Variants in NUP210L observed in about 807,000 individuals in gnomAD.
NUP210L encodes the protein nucleoporin 210 like.
A neutral mutation model predicts 208.5 loss-of-function variants in NUP210L; 74 were observed. That is an observed-to-expected ratio of 0.35 (90% CI 0.29 to 0.43). NUP210L has a LOEUF of 0.43. NUP210L is among the 20% of genes least tolerant of loss of function. The pLI is 1.00. For synonymous variants in NUP210L, 780 were observed against 816.9 expected, an observed-to-expected ratio of 0.95 and a Z score of 0.77; for missense variants, 1,843 against 2,289.4, an observed-to-expected ratio of 0.81 and a Z score of 3.98.
chr1:154,061,090 A>C (rs1470818219), intron 18 of NUP210L, 44 bp from the exon 19 acceptor site: 2 of 1,413,712 alleles, frequency 1.4e-6, no homozygotes, highest in South Asian at 2.3e-5. Flanking sequence ...TAAACATCTA[A>C]TTCTTGGCCG....
intron 32 of NUP210L, among the ~76,000 whole-genome samples, chr1:154,020,769 C>T (rs1651505448): frequency 6.6e-6 from 1 of 151,360 alleles, no homozygotes; most frequent in Admixed American, 6.6e-5. Context: ...TTGTGATCCG[C>T]CTGCTTCAGC....
At chr1:154,111,531 A>C (rs1657037579) in intron 12 of NUP210L, among the ~76,000 whole-genome samples, 1 of 151,630 alleles carries the variant, frequency 6.6e-6, no homozygotes, top group South Asian at 2.1e-4. Context: ...AAATTGGAAA[A>C]CCTACAAGAA....
In NUP210L at chr1:154,023,298, C is replaced by T. The variant is rs753542786; in HGVS notation, c.4123-1G>A. The T allele has an allele frequency of 6.2e-7, 1 of 1,601,924 alleles. No homozygotes were observed. The highest frequency in any genetic ancestry group is 8.5e-7 in the Non-Finnish European group (1 of 1,173,388). ...CTCGCAGGTATGTCACCGGTGCTAC[C>T]TGTGGGAGACAAAACCTACTGGTAC... On this transcript the variant is annotated splice_acceptor_variant, in intron 30 of 39. Coordinates refer to ENST00000368559, the Ensembl canonical transcript of NUP210L. LOFTEE classifies it high-confidence loss of function.
At chr1:153,992,690 T>C in exon 40 of NUP210L, 1 of 637,108 alleles carries the variant, frequency 1.6e-6, no homozygotes, top group Non-Finnish European at 2.7e-6. Context: ...GACATACCAG[T>C]TTTAAGAAAC....
intron 27 of NUP210L, 108 bp from the exon 28 acceptor site, chr1:154,030,162 A>C: frequency 1.3e-6 from 1 of 744,894 alleles, no homozygotes; most frequent in Non-Finnish European, 1.9e-6. Context: ...AAAAATAAAA[A>C]GTCAGGAAAG....
In NUP210L at chr1:154,054,839, G is replaced by A. The variant is rs572656676; in HGVS notation, c.3241-7C>T. 9.4e-6 allele frequency: 15 copies of A among 1,603,780 alleles called. No homozygotes were observed. The highest frequency in any genetic ancestry group is 1.3e-5 in the African/African-American group (1 of 74,768). ...GTCTGAATGGAGGAAACACCTTGAA[G>A]GAGAAAACCAAAAGGACAACAGTAA... On this transcript the variant is annotated splice_region_variant and splice_polypyrimidine_tract_variant and intron_variant, in intron 23 of 39. Transcript: ENST00000368559.
At chr1:154,154,266 G>A (rs771575016) in intron 1 of NUP210L, among the ~76,000 whole-genome samples, 25 of 152,168 alleles carry the variant, frequency 1.6e-4, no homozygotes, top group Non-Finnish European at 2.9e-4. Context: ...TGTGAAATGG[G>A]AGTAATAGTA....
At chr1:154,120,823 G>A (rs912084480) in intron 10 of NUP210L, among the ~76,000 whole-genome samples, 6 of 146,174 alleles carry the variant, frequency 4.1e-5, no homozygotes, top group Non-Finnish European at 8.9e-5. Context: ...TTGAACCCAT[G>A]AGGCGGAGGT....
chr1:154,058,393 A>G (rs1653981893), intron 21 of NUP210L, among the ~76,000 whole-genome samples, 172 bp downstream of exon 21: 2 of 152,168 alleles, frequency 1.3e-5, no homozygotes, highest in African/African-American at 4.8e-5. Context: ...CAGTCTATTT[A>G]TCTTCATCTG....
chr1:154,002,637 AT>A (rs1650286955), intron 35 of NUP210L, among the ~76,000 whole-genome samples: 1 of 151,844 alleles, frequency 6.6e-6, no homozygotes, highest in South Asian at 2.1e-4. Flanking sequence ...AAAAAAAATT[AT>A]ATTTTTTATA....
At chr1:154,082,856 C>T (rs1655415229) in intron 16 of NUP210L, among the ~76,000 whole-genome samples, 1 of 152,092 alleles carries the variant, frequency 6.6e-6, no homozygotes, top group African/African-American at 2.4e-5. Flanking sequence ...TTGGTCATTC[C>T]TCCCAGTGGG....
At chr1:154,084,517 T>C (rs952157347) in intron 16 of NUP210L, among the ~76,000 whole-genome samples, 4 of 151,414 alleles carry the variant, frequency 2.6e-5, no homozygotes, top group African/African-American at 9.7e-5. Context: ...CGGCCTTAAA[T>C]TTTTTGTACA....
chr1:154,051,338 T>A (rs1321432173), intron 25 of NUP210L, among the ~76,000 whole-genome samples: 1 of 152,132 alleles, frequency 6.6e-6, no homozygotes. Flanking sequence ...GCCTCCCAAG[T>A]AGCTGGGACT....
intron 2 of NUP210L, among the ~76,000 whole-genome samples, chr1:154,146,946 C>T (rs1659150122): frequency 6.6e-6 from 1 of 152,042 alleles, no homozygotes; most frequent in Non-Finnish European, 1.5e-5. Flanking sequence ...ACCTCAGCCT[C>T]CTGAGTGGTT....
At chr1:154,152,526 G>A (rs1558013626) in intron 2 of NUP210L, among the ~76,000 whole-genome samples, 2 of 142,524 alleles carry the variant, frequency 1.4e-5, no homozygotes, top group Non-Finnish European at 1.5e-5. Context: ...TACCCAGACT[G>A]TTCTTAAACT....
At chr1:154,031,655 T>C (rs910831489) in intron 27 of NUP210L, among the ~76,000 whole-genome samples, 1 of 151,982 alleles carries the variant, frequency 6.6e-6, no homozygotes, top group African/African-American at 2.4e-5. Flanking sequence ...ATACTTGGCT[T>C]ATTTCACTTA....
At chr1:154,125,406 C>T (rs1047812997) in intron 10 of NUP210L, among the ~76,000 whole-genome samples, 12 of 149,370 alleles carry the variant, frequency 8.0e-5, no homozygotes, top group Admixed American at 2.0e-4. Context: ...GCCAAGACCA[C>T]GCCACTGCAC....
intron 16 of NUP210L, among the ~76,000 whole-genome samples, chr1:154,072,327 CTTTTTTT>C (rs1213732819): frequency 2.5e-5 from 2 of 80,248 alleles, no homozygotes; most frequent in Admixed American, 1.9e-4. Context: ...ATGGCCATTC[CTTTTTTT>C]TTTTTTTTTT....
intron 15 of NUP210L, among the ~76,000 whole-genome samples, chr1:154,093,490 C>G (rs1476687891): frequency 6.6e-6 from 1 of 152,060 alleles, no homozygotes; most frequent in Non-Finnish European, 1.5e-5. Context: ...AGTAATTAGC[C>G]CTGAAATTAC....
Sources: gnomAD v4.1 joint callset for allele counts (sites outside exome capture counted in the v4.1 genomes callset) on GRCh38, gnomAD v4.1.1 for gene constraint, MANE v1.5 for transcripts, NCBI Gene and HGNC (gene_info 2026-07-23, HGNC 2026-07-21) for gene names.